The following HEG1 variants were observed in gnomAD, a reference collection of about 807,000 sequenced individuals.
HEG1 encodes heart development protein with EGF like domains 1, also known as protein HEG homolog 1.
Under a neutral mutation model 125.6 loss-of-function variants are expected in HEG1, and 56 were observed. The observed-to-expected ratio is 0.45, with a 90% confidence interval of 0.36 to 0.56. HEG1 has a LOEUF of 0.56. Ranked by LOEUF, HEG1 falls within the 20% of genes least tolerant of loss-of-function variation. HEG1 has a pLI of 0.00. For synonymous variants in HEG1, 644 were observed against 668.5 expected (o/e 0.96, Z 0.57); for missense variants, 1,523 against 1,670.0 (o/e 0.91, Z 1.53).
chr3:125,051,585 G>A (rs892464011), intron 1 of HEG1, among the ~76,000 whole-genome samples: 2 of 152,236 alleles, frequency 1.3e-5, no homozygotes, highest in Non-Finnish European at 2.9e-5. Context: ...TGGATAAGGA[G>A]TGTGAAGGCG....
chr3:124,970,359 C>T lies in HEG1; in HGVS notation c.*293G>A. ...CTGCACTGAAGTCTAGTGGTCTGCC[C>T]TGGCTAATAGTCGCCCTGGTGCCAG... is the stretch of plus-strand genomic sequence containing the variant. On this transcript the variant is annotated 3_prime_UTR_variant, in exon 17 of 17. Transcript: ENST00000311127. 2.9e-6 allele frequency: 1 copy of T among 344,050 alleles called. No individual in the cohort carries two copies. The highest frequency in any genetic ancestry group is 5.7e-5 in the East Asian group (1 of 17,448). The allele number at this position is 344,050 out of a possible 1,614,324, so 21.3% of individuals were successfully genotyped here.
chr3:124,997,660 C>A, intron 12 of HEG1, 29 bp downstream of exon 12: 2 of 1,548,374 alleles, frequency 1.3e-6, no homozygotes, highest in South Asian at 1.3e-5. Flanking sequence ...CAGGACTGGG[C>A]ACAGAACCCC....
At chr3:124,997,888 C>G (rs1298687691) in intron 11 of HEG1, 65 bp from the exon 12 acceptor site, 1 of 1,466,792 alleles carries the variant, frequency 6.8e-7, no homozygotes, top group East Asian at 2.4e-5. Context: ...CTTAAAATCT[C>G]CTCCACTTCA....
At chr3:124,988,119 ATC>A (rs984959320) in intron 14 of HEG1, among the ~76,000 whole-genome samples, 21 of 151,728 alleles carry the variant, frequency 1.4e-4, no homozygotes, top group Admixed American at 1.1e-3. Context: ...CCATTCTCTG[ATC>A]AGTTTACGAG....
At chr3:125,036,765 A>G (rs563900847) in intron 1 of HEG1, among the ~76,000 whole-genome samples, 9 of 152,356 alleles carry the variant, frequency 5.9e-5, no homozygotes, top group African/African-American at 1.9e-4. Flanking sequence ...CTTTTACATT[A>G]CTTTTGTATT....
chr3:124,988,579 A>G (rs1261942908), intron 14 of HEG1, among the ~76,000 whole-genome samples: 1 of 152,160 alleles, frequency 6.6e-6, no homozygotes, highest in Admixed American at 6.5e-5. Context: ...TCTAAAGAGT[A>G]CAGGGTTGTT....
At chr3:124,974,015 T>A (rs1019526176) in intron 15 of HEG1, 110 bp from the exon 16 acceptor site, 4 of 743,920 alleles carry the variant, frequency 5.4e-6, no homozygotes, top group Non-Finnish European at 6.5e-6. Flanking sequence ...ACCATTATAT[T>A]TATTTGTAGC....
intron 9 of HEG1, among the ~76,000 whole-genome samples, chr3:125,004,590 T>C (rs1221781579): frequency 6.6e-6 from 1 of 152,068 alleles, no homozygotes; most frequent in Non-Finnish European, 1.5e-5. Flanking sequence ...CTGGGGCTCA[T>C]GTAATCTTCC....
intron 1 of HEG1, among the ~76,000 whole-genome samples, chr3:125,033,219 C>A (rs1162017033): frequency 6.6e-6 from 1 of 152,078 alleles, no homozygotes; most frequent in Non-Finnish European, 1.5e-5. Flanking sequence ...AATCTGAGGC[C>A]AAAAATGAAC....
rs747006054 is a variant in HEG1, at chr3:124,977,888, T to C, written c.3792A>G (p.Leu1264=). The change falls in exon 15 of 17, where the codon CTA becomes CTG. Residue 1264 remains leucine, a synonymous_variant. Transcript: ENST00000311127. ...AACAGGTAACAATCAGTGCGATGCCTAGGATGAGCAGGAGCCCACCTCCCG... is the reference window on the plus strand; with the variant it reads ...AACAGGTAACAATCAGTGCGATGCCCAGGATGAGCAGGAGCCCACCTCCCG... ...AAAGGGLLLI[L]GIALIVTCCR... The C allele has an allele frequency of 1.5e-5, 23 of 1,578,704 alleles. No homozygotes were observed. The highest frequency in any genetic ancestry group is 1.7e-5 in the Non-Finnish European group (20 of 1,162,212).
At chr3:124,997,598 A>G (rs908656954) in intron 12 of HEG1, 91 bp downstream of exon 12, 1 of 1,325,154 alleles carries the variant, frequency 7.5e-7, no homozygotes, top group Admixed American at 2.8e-5. Context: ...GTCACGCCTA[A>G]GCAAAGACAG....
chr3:125,034,252 T>C (rs1226806987), intron 1 of HEG1, among the ~76,000 whole-genome samples: 5 of 51,662 alleles, frequency 9.7e-5, no homozygotes, highest in Non-Finnish European at 1.8e-4. Flanking sequence ...CTGGTAATTC[T>C]AGTAGTTGAA....
Position 125,055,880 on chromosome 3 carries a change from G to A in HEG1, c.11C>T (p.Pro4Leu). The change falls in exon 1 of 17, where the codon CCG (proline) becomes CTG (leucine). Residue 4 changes from proline (P) to leucine (L), a missense_variant. Pro to Leu is a moderately conservative substitution (Grantham distance 98). Coordinates refer to ENST00000311127, the MANE Select transcript of HEG1 (RefSeq NM_020733.2). ...CGGCGGCGGCCACCGCGAGGCGCGC[G>A]GCGAGGCCATGGTGACGGCGCCCGC... MAS[P>L]RASRWPPPLL... The A allele has an allele frequency of 1.0e-6, 1 of 983,172 alleles. No individual in the cohort carries two copies. The highest frequency in any genetic ancestry group is 1.2e-6 in the Non-Finnish European group (1 of 829,798). 60.9% of individuals were successfully genotyped at this position (983,172 alleles called of 1,614,324 possible). A position where few individuals can be genotyped will look rare whatever the true frequency, so the allele number is the denominator to read the frequency against.
intron 3 of HEG1, among the ~76,000 whole-genome samples, chr3:125,023,988 C>T (rs1182370008): frequency 2.6e-5 from 4 of 152,122 alleles, no homozygotes; most frequent in Admixed American, 1.3e-4. Flanking sequence ...GAGAAAGATA[C>T]GTCACATCTG....
chr3:125,035,138 G>T (rs1340202348), intron 1 of HEG1, among the ~76,000 whole-genome samples: 1 of 151,884 alleles, frequency 6.6e-6, no homozygotes, highest in Non-Finnish European at 1.5e-5. Context: ...AATTTTTTTT[G>T]TATTTTTAGT....
At chr3:124,992,767 C>G (rs1329866784) in intron 12 of HEG1, among the ~76,000 whole-genome samples, 1 of 152,258 alleles carries the variant, frequency 6.6e-6, no homozygotes, top group Non-Finnish European at 1.5e-5. Context: ...TAACATATCA[C>G]TAGAGTGTTG....
intron 1 of HEG1, among the ~76,000 whole-genome samples, chr3:125,053,523 G>T (rs1937862275): frequency 6.6e-6 from 1 of 152,114 alleles, no homozygotes; most frequent in South Asian, 2.1e-4. Flanking sequence ...TCAGAGATTG[G>T]GCCTTTGAGC....
chr3:125,045,619 T>C (rs1345979401), intron 1 of HEG1, among the ~76,000 whole-genome samples: 2 of 152,172 alleles, frequency 1.3e-5, no homozygotes, highest in Non-Finnish European at 1.5e-5. Flanking sequence ...GAAAAGGCTA[T>C]TGAGATTTCT....
At chr3:125,025,478 C>A (rs1937403339) in intron 3 of HEG1, among the ~76,000 whole-genome samples, 1 of 152,002 alleles carries the variant, frequency 6.6e-6, no homozygotes, top group Non-Finnish European at 1.5e-5. Context: ...TGAAACTCAC[C>A]AGCAGTTAAA....
Sources: gnomAD v4.1 joint callset for allele counts (sites outside exome capture counted in the v4.1 genomes callset) on GRCh38, gnomAD v4.1.1 for gene constraint, MANE v1.5 for transcripts, NCBI Gene and HGNC (gene_info 2026-07-23, HGNC 2026-07-21) for gene names.